Variants in GPC5 observed in about 807,000 individuals in gnomAD.
GPC5 encodes the protein glypican 5, also known as glypican-5.
In GPC5, 47 loss-of-function variants were observed where a neutral mutation model predicts 53.9. That is an observed-to-expected ratio of 0.87 (90% CI 0.69 to 1.11). GPC5 has a LOEUF of 1.11. GPC5 is among the 50% of genes most tolerant of loss of function. The probability of loss-of-function intolerance (pLI) is 0.00; values close to 1 mark genes in which losing one functional copy is unlikely to be tolerated. For missense variants in GPC5, 748 were observed against 713.1 expected (o/e 1.05, Z -0.56); for synonymous variants, 286 against 263.3 (o/e 1.09, Z -0.84).
At chr13:91,853,755 T>C (rs1233173893) in intron 5 of GPC5, among the ~76,000 whole-genome samples, 2 of 151,998 alleles carry the variant, frequency 1.3e-5, no homozygotes, top group Admixed American at 6.6e-5. Flanking sequence ...TTAGTCATGT[T>C]ACAATAAAAA....
intron 5 of GPC5, among the ~76,000 whole-genome samples, chr13:91,808,078 A>G (rs1249821118): frequency 6.6e-6 from 1 of 152,134 alleles, no homozygotes; most frequent in East Asian, 1.9e-4. Flanking sequence ...TATTACTTCT[A>G]GACTGTTTAA....
At chr13:92,612,212 A>G (rs1335464493) in intron 7 of GPC5, among the ~76,000 whole-genome samples, 1 of 152,136 alleles carries the variant, frequency 6.6e-6, no homozygotes, top group Non-Finnish European at 1.5e-5. Flanking sequence ...AATGCTAGCG[A>G]TTATTACCTA....
chr13:91,610,674 C>G (rs1012072013), intron 2 of GPC5, among the ~76,000 whole-genome samples: 19 of 152,126 alleles, frequency 1.2e-4, no homozygotes, highest in African/African-American at 4.3e-4. Context: ...ATTTATTCAT[C>G]TGTGAATTTT....
Position 92,759,574 on chromosome 13 carries a change from A to G in GPC5, c.1562-106708A>G, listed in dbSNP as rs998441536. 2.2e-4 allele frequency among the ~76,000 whole-genome samples: 33 copies of G among 152,112 alleles called. 2 individuals carry two copies. The highest frequency in any genetic ancestry group is 1.8e-3 in the Admixed American group (28 of 15,270). On this transcript the variant is annotated intron_variant, in intron 7 of 7. Coordinates refer to ENST00000377067, the MANE Select transcript of GPC5 (RefSeq NM_004466.6). ...TTATATGTTGATTTTATGTCCTGCA[A>G]TTTCACTGAATTAATTTATTGGGTT... is the stretch of plus-strand genomic sequence containing the variant.
At position 92,708,737 on chromosome 13, in the gene GPC5, G is replaced by C. The variant is rs192396007; in HGVS notation, c.1562-157545G>C. Among the ~76,000 whole-genome samples the C allele has an allele frequency of 3.2e-3, 492 of 151,584 alleles. 1 individual carries two copies. The highest frequency in any genetic ancestry group is 5.7e-3 in the Non-Finnish European group (390 of 67,942). ...AGGTTGGGGAGAAGAGATGTTATTAGAGAAAGGTCAGCAAGTGCAAAAGTG... is the reference window on the plus strand; with the variant it reads ...AGGTTGGGGAGAAGAGATGTTATTACAGAAAGGTCAGCAAGTGCAAAAGTG... On this transcript the variant is annotated intron_variant, in intron 7 of 7. Coordinates refer to ENST00000377067, the MANE Select transcript of GPC5 (RefSeq NM_004466.6).
intron 5 of GPC5, among the ~76,000 whole-genome samples, chr13:91,867,223 G>GA (rs1422391208): frequency 4.6e-5 from 7 of 151,928 alleles, no homozygotes; most frequent in East Asian, 1.9e-4. Flanking sequence ...CTCAAAAAAA[G>GA]AAAAAAGTAT....
In GPC5 at chr13:92,051,206, T is replaced by C. The variant is rs1031193807; in HGVS notation, c.1402-93624T>C. Among the ~76,000 whole-genome samples, 8 of 144,202 alleles carry C rather than the reference T, an allele frequency of 5.5e-5. No homozygotes were observed. In the East Asian group the frequency reaches 6.2e-4, roughly 11 times the overall value. 94.6% of individuals were successfully genotyped at this position (144,202 alleles called of 152,430 possible). On this transcript the variant is annotated intron_variant, in intron 6 of 7. Transcript: ENST00000377067. ...ACTGCATTTCATTTTTTTCTTTTTT[T>C]TTTTTTTTTTTTTTGAGACGGAGTC...
intron 5 of GPC5, among the ~76,000 whole-genome samples, chr13:91,775,578 G>T (rs539207083): frequency 6.6e-6 from 1 of 152,186 alleles, no homozygotes; most frequent in East Asian, 1.9e-4. Flanking sequence ...CATACAAAAT[G>T]CCCTTTCATA....
chr13:92,675,129 T>C lies in GPC5; in HGVS notation c.1562-191153T>C, dbSNP rs1216557122. On this transcript the variant is annotated intron_variant, in intron 7 of 7. Coordinates refer to ENST00000377067, the MANE Select transcript of GPC5 (RefSeq NM_004466.6). ...TTGATGACTTTTTTAGATAGGAATA[T>C]CTGATATATATCTTTCAGAAATTAT... 4.0e-5 allele frequency among the ~76,000 whole-genome samples: 6 copies of C among 151,042 alleles called. No homozygotes were observed. The East Asian group carries it at 1.2e-3, about 29-fold the overall frequency.
chr13:91,648,813 G>T (rs867321558), intron 2 of GPC5, among the ~76,000 whole-genome samples: 4 of 152,292 alleles, frequency 2.6e-5, no homozygotes, highest in Middle Eastern at 3.4e-3. Context: ...TGTGGAGACA[G>T]AGCAAAAGGA....
chr13:92,104,328 T>C (rs548179812), intron 6 of GPC5, among the ~76,000 whole-genome samples: 4 of 152,330 alleles, frequency 2.6e-5, no homozygotes, highest in Admixed American at 6.5e-5. Context: ...CATTCTTTCT[T>C]GAAGAAATGC....
chr13:92,028,638 TTTTG>T (rs573485198), intron 6 of GPC5, among the ~76,000 whole-genome samples: 106 of 152,308 alleles, frequency 7.0e-4, no homozygotes, highest in African/African-American at 2.4e-3. Flanking sequence ...TATGTTTGTA[TTTTG>T]TTTGTTTGTC....
intron 7 of GPC5, among the ~76,000 whole-genome samples, chr13:92,433,885 A>T (rs1400311760): frequency 6.6e-6 from 1 of 152,178 alleles, no homozygotes; most frequent in Admixed American, 6.5e-5. Context: ...CAAGCTTTAC[A>T]TGATTAGGAT....
At chr13:92,448,385 T>G (rs1291432633) in intron 7 of GPC5, 1 of 152,150 alleles carries the variant, frequency 6.6e-6, no homozygotes, top group Non-Finnish European at 1.5e-5. Context: ...ACAGTGTGCT[T>G]ATAAAATGTA....
chr13:92,515,752 A>G (rs922108038), intron 7 of GPC5, among the ~76,000 whole-genome samples: 2 of 152,220 alleles, frequency 1.3e-5, no homozygotes, highest in Non-Finnish European at 2.9e-5. Context: ...CCTTAAGACA[A>G]TTATTGGTTT....
chr13:92,025,331 C>T (rs1293438798), intron 6 of GPC5, among the ~76,000 whole-genome samples: 1 of 152,066 alleles, frequency 6.6e-6, no homozygotes, highest in African/African-American at 2.4e-5. Flanking sequence ...CTCTTCCACC[C>T]CTGATCTCTC....
intron 7 of GPC5, among the ~76,000 whole-genome samples, chr13:92,325,975 T>C (rs2043248034): frequency 6.6e-6 from 1 of 152,028 alleles, no homozygotes; most frequent in Non-Finnish European, 1.5e-5. Flanking sequence ...AATGGTACAT[T>C]TAAATGTGTG....
chr13:91,515,951 C>A (rs935271524), intron 2 of GPC5, among the ~76,000 whole-genome samples: 4 of 152,166 alleles, frequency 2.6e-5, no homozygotes, highest in South Asian at 4.1e-4. Flanking sequence ...AGCAAAAGAG[C>A]AAACCCCTGA....
At chr13:92,710,394 A>G (rs2139268281) in intron 7 of GPC5, among the ~76,000 whole-genome samples, 1 of 152,346 alleles carries the variant, frequency 6.6e-6, no homozygotes, top group Admixed American at 6.5e-5. Context: ...AATGGAAATA[A>G]AAGAAAAAAA....
Sources: allele counts gnomAD v4.1 joint callset (sites outside exome capture counted in the v4.1 genomes callset), GRCh38; gene constraint gnomAD v4.1.1; transcripts MANE v1.5; gene names NCBI Gene and HGNC (gene_info 2026-07-23, HGNC 2026-07-21).